The following FBH1 variants were observed in gnomAD, a reference collection of about 807,000 sequenced individuals.
FBH1 encodes F-box DNA helicase 1, also known as DNA 3'-5' helicase 1.
A neutral mutation model predicts 115.5 loss-of-function variants in FBH1; 43 were observed. That is an observed-to-expected ratio of 0.37 (90% CI 0.29 to 0.48). FBH1 has a LOEUF of 0.48. FBH1 is among the 20% of genes least tolerant of loss of function. The pLI is 0.99. For missense variants in FBH1, 1,001 were observed against 1,337.3 expected, an observed-to-expected ratio of 0.75 and a Z score of 3.92; for synonymous variants, 524 against 507.8, an observed-to-expected ratio of 1.03 and a Z score of -0.43.
Position 5,936,613 on chromosome 10 carries a change from A to G in FBH1, c.2961+26A>G, listed in dbSNP as rs754561263. ...GTACGTCTGCTGTCTGTGGAACTTAATTCAGCCATTTGCATTTTTTGCTTG... is the reference window on the plus strand; with the variant it reads ...GTACGTCTGCTGTCTGTGGAACTTAGTTCAGCCATTTGCATTTTTTGCTTG... On this transcript the variant is annotated intron_variant, in intron 20 of 20. Transcript: ENST00000362091. This position sits in a 1 kb window ranked among gnomAD's most constrained non-coding sequence, Gnocchi z 5.6. 5 of 1,610,364 alleles carry G rather than the reference A, an allele frequency of 3.1e-6. No individual in the cohort carries two copies. The highest frequency in any genetic ancestry group is 4.2e-6 in the Non-Finnish European group (5 of 1,177,132).
rs1444819747 is a variant in FBH1 at position 5,937,297 on chromosome 10, C to T, written c.*17C>T. ...GTCTTCTGAGGACAAGGCGCACGTT[C>T]TCCGCAGTGCAGAGCAGCTTGCCGA... On this transcript the variant is annotated 3_prime_UTR_variant, in exon 21 of 21. Transcript: ENST00000362091. The T allele has an allele frequency of 2.6e-6, 4 of 1,568,376 alleles. No individual in the cohort carries two copies. Among genetic ancestry groups the T allele is most frequent in the African/African-American group, 1.4e-5 (1 of 73,634 alleles).
chr10:5,896,184 G>A (rs1187091364), intron 1 of FBH1, among the ~76,000 whole-genome samples: 1 of 152,132 alleles, frequency 6.6e-6, no homozygotes, highest in African/African-American at 2.4e-5. Flanking sequence ...TTCTTGTAAG[G>A]ACTCGTTCAG....
chr10:5,932,218 C>T lies in FBH1; in HGVS notation c.2830-4238C>T, dbSNP rs1833009154. On this transcript the variant is annotated intron_variant, in intron 19 of 20. Transcript: ENST00000362091. The surrounding 1 kb of genome is among the most constrained non-coding windows in gnomAD (Gnocchi z 5.9). The stretch of plus-strand genomic sequence containing the variant: ...CCTGTTCACTTCAGACTGTTCTCTG[C>T]CTCCACCATTGGTAGTTATTTTAAA... 1.3e-5 allele frequency among the ~76,000 whole-genome samples: 2 copies of T among 152,218 alleles called. No homozygotes were observed. Among genetic ancestry groups the T allele is most frequent in the South Asian group, 4.1e-4 (2 of 4,830 alleles).
Position 5,915,697 on chromosome 10 carries a change from C to G in FBH1, c.1565+126C>G. The G allele has an allele frequency of 1.3e-6, 1 of 796,018 alleles. No homozygotes were observed. The highest frequency in any genetic ancestry group is 1.8e-5 in the South Asian group (1 of 56,302). The allele number at this position is 796,018 out of a possible 1,614,324, so 49.3% of individuals were successfully genotyped here. On this transcript the variant is annotated intron_variant, in intron 9 of 20. Transcript: ENST00000362091. This position sits in a 1 kb window ranked among gnomAD's most constrained non-coding sequence, Gnocchi z 5.2. ...GAGGAGTGTAGTGCTGTTATCTCCA[C>G]TTACAGGCAGGAAACAAATACATAG...
intron 1 of FBH1, among the ~76,000 whole-genome samples, chr10:5,896,429 G>T (rs1025668015): frequency 1.3e-5 from 2 of 152,174 alleles, no homozygotes; most frequent in African/African-American, 2.4e-5. Flanking sequence ...GACCCCTGGG[G>T]TGGAGGACAG....
At chr10:5,901,953 A>G (rs1843372313) in intron 1 of FBH1, among the ~76,000 whole-genome samples, 1 of 152,246 alleles carries the variant, frequency 6.6e-6, no homozygotes, top group South Asian at 2.1e-4. Context: ...TAACAGATGC[A>G]GAAGCATGGA....
In FBH1 at chr10:5,936,774, T is replaced by C. The variant is rs1483563703; in HGVS notation, c.2961+187T>C. 15 of 725,138 alleles carry C rather than the reference T, an allele frequency of 2.1e-5. No individual in the cohort carries two copies. Among genetic ancestry groups the C allele is most frequent in the Non-Finnish European group, 3.3e-5 (15 of 453,820 alleles). 44.9% of individuals were successfully genotyped at this position (725,138 alleles called of 1,614,324 possible). A position where few individuals can be genotyped will look rare whatever the true frequency, so the allele number is the denominator to read the frequency against. On this transcript the variant is annotated intron_variant, in intron 20 of 20. Coordinates refer to ENST00000362091, the MANE Select transcript of FBH1 (RefSeq NM_178150.3). This position sits in a 1 kb window ranked among gnomAD's most constrained non-coding sequence, Gnocchi z 5.6. ...GGTCAGAGGTCAGGGCACGTGATGC[T>C]GCCTGGCTGTGCTGAAGCCGCAGGT...
In FBH1 at chr10:5,914,268, C is replaced by T. The variant is rs768981980; in HGVS notation, c.1395C>T (p.Ala465=). ...PLQVVKIMAF[A]GTGKTSTLVK... ...AGGTGGTGAAAATTATGGCCTTTGC[C>T]GGTAAGGGAGCCCACATCAGGTTCA... Residue 465 remains alanine (A), a splice_region_variant and synonymous_variant, in exon 8 of 21, where the codon GCC becomes GCT. Transcript: ENST00000362091. This position sits in a 1 kb window ranked among gnomAD's most constrained non-coding sequence, Gnocchi z 5.2. 39 of 1,613,916 alleles carry T rather than the reference C, an allele frequency of 2.4e-5. No individual in the cohort carries two copies. The highest frequency in any genetic ancestry group is 7.7e-5 in the South Asian group (7 of 91,088).
chr10:5,893,718 GTGTT>G (rs1027634340), intron 1 of FBH1, among the ~76,000 whole-genome samples: 53 of 152,224 alleles, frequency 3.5e-4, no homozygotes, highest in African/African-American at 1.2e-3. Context: ...TTAGTAACTT[GTGTT>G]TGTTTTGGTA....
intron 13 of FBH1, among the ~76,000 whole-genome samples, chr10:5,919,875 A>G (rs1832213146): frequency 6.6e-6 from 1 of 152,210 alleles, no homozygotes; most frequent in Non-Finnish European, 1.5e-5. Flanking sequence ...AATCGAGAGG[A>G]GAGTTCCCAT....
chr10:5,920,817 G>T (rs1384484620), intron 13 of FBH1, among the ~76,000 whole-genome samples: 1 of 152,212 alleles, frequency 6.6e-6, no homozygotes, highest in Non-Finnish European at 1.5e-5. Context: ...TGACTTTGGT[G>T]GATGAAAGTC....
Position 5,927,494 on chromosome 10 carries a change from C to T in FBH1, c.2782C>T (p.Arg928Cys), listed in dbSNP as rs774638319. The T allele has an allele frequency of 1.2e-6, 2 of 1,613,594 alleles. No individual in the cohort carries two copies. The highest frequency in any genetic ancestry group is 4.5e-5 in the East Asian group (2 of 44,890). The change falls in exon 19 of 21, where the codon CGT (arginine) becomes TGT (cysteine). Residue 928 changes from arginine (R) to cysteine (C), a missense_variant. Transcript: ENST00000362091. The part of the protein sequence containing the change: ...LYVAVTRAKK[R>C]LIMTKSLENI... ...TGTTGCAGTAACTCGAGCCAAGAAGCGTCTCATCATGACCAAATCATTGGA... is the reference window on the plus strand; with the variant it reads ...TGTTGCAGTAACTCGAGCCAAGAAGTGTCTCATCATGACCAAATCATTGGA...
Position 5,937,096 on chromosome 10 carries a change from G to C in FBH1, c.2962-14G>C. The stretch of plus-strand genomic sequence containing the variant: ...GTTGTTCCCCTTAGCTCTCTCTCTT[G>C]TCCATCACCACAGAGCAACAGGAAG... On this transcript the variant is annotated splice_polypyrimidine_tract_variant and intron_variant, in intron 20 of 20. Coordinates refer to ENST00000362091, the MANE Select transcript of FBH1 (RefSeq NM_178150.3). The C allele has an allele frequency of 1.3e-6, 2 of 1,583,474 alleles. No individual in the cohort carries two copies. The highest frequency in any genetic ancestry group is 1.7e-6 in the Non-Finnish European group (2 of 1,163,378).
chr10:5,919,924 G>A (rs1435774730), intron 13 of FBH1, among the ~76,000 whole-genome samples: 3 of 152,098 alleles, frequency 2.0e-5, no homozygotes, highest in African/African-American at 4.8e-5. Context: ...ACATCTTATC[G>A]TCTTATATTA....
rs1397348925 is a variant in FBH1, at chr10:5,895,760, C to CT, written c.1+5415dup. Among the ~76,000 whole-genome samples the CT allele has an allele frequency of 6.6e-6, 1 of 152,076 alleles. No homozygotes were observed. Among genetic ancestry groups the CT allele is most frequent in the Non-Finnish European group, 1.5e-5 (1 of 68,016 alleles). On this transcript the variant is annotated intron_variant, in intron 1 of 20. Coordinates refer to ENST00000362091, the MANE Select transcript of FBH1 (RefSeq NM_178150.3). This position sits in a 1 kb window ranked among gnomAD's most constrained non-coding sequence, Gnocchi z 5.0. Reference sequence around the variant, plus strand: ...TGAACACCCGGCTTCTAAGGATGTCCTGGGAATCAGCTTCCCAGTTAAGGG... The same window carrying CT: ...TGAACACCCGGCTTCTAAGGATGTCCTTGGGAATCAGCTTCCCAGTTAAGGG...
At position 5,935,473 on chromosome 10, in the gene FBH1, G is replaced by A. The variant is rs1466046649; in HGVS notation, c.2830-983G>A. 1 of 152,218 alleles carries A rather than the reference G, an allele frequency of 6.6e-6. No homozygotes were observed. The highest frequency in any genetic ancestry group is 2.4e-5 in the African/African-American group (1 of 41,450). 9.4% of individuals were successfully genotyped at this position (152,218 alleles called of 1,614,324 possible). A position where few individuals can be genotyped will look rare whatever the true frequency, so the allele number is the denominator to read the frequency against. On this transcript the variant is annotated intron_variant, in intron 19 of 20. Transcript: ENST00000362091. The surrounding 1 kb of genome is among the most constrained non-coding windows in gnomAD (Gnocchi z 5.2). ...CCGTGGGTTGGAGGGACCTCGCCAG[G>A]TTCATGGTCTTGGCTGTCTCTCGGG...
chr10:5,922,460 G>C (rs58743007), intron 15 of FBH1, among the ~76,000 whole-genome samples: 1 of 152,184 alleles, frequency 6.6e-6, no homozygotes, highest in Non-Finnish European at 1.5e-5. Context: ...TGGTCTGGTA[G>C]ATATAACATA....
At position 5,897,374 on chromosome 10, in the gene FBH1, G is replaced by T. The variant is rs772511953; in HGVS notation, c.2-5646G>T. ...AAGTGTAAAGCGTGTAATTGCAGAG[G>T]AGGTGGACACAGGGCTCCTGCGGAG... On this transcript the variant is annotated intron_variant, in intron 1 of 20. Coordinates refer to ENST00000362091, the MANE Select transcript of FBH1 (RefSeq NM_178150.3). The surrounding 1 kb of genome is among the most constrained non-coding windows in gnomAD (Gnocchi z 4.7). Among the ~76,000 whole-genome samples the T allele has an allele frequency of 1.3e-5, 2 of 150,588 alleles. No homozygotes were observed. The highest frequency in any genetic ancestry group is 2.9e-5 in the Non-Finnish European group (2 of 67,828).
intron 3 of FBH1, among the ~76,000 whole-genome samples, chr10:5,907,772 G>C (rs1843802703): frequency 6.6e-6 from 1 of 152,146 alleles, no homozygotes; most frequent in Non-Finnish European, 1.5e-5. Context: ...CTGTGCCTGG[G>C]CAAGGGTATG....
Sources: gnomAD v4.1 joint callset for allele counts (sites outside exome capture counted in the v4.1 genomes callset) on GRCh38, gnomAD v4.1.1 for gene constraint, Gnocchi (gnomAD v3.1) non-coding constraint, MANE v1.5 for transcripts, NCBI Gene and HGNC (gene_info 2026-07-23, HGNC 2026-07-21) for gene names.